CSMD3: variants seen among roughly 807,000 people sequenced by gnomAD.
CSMD3 encodes CUB and Sushi multiple domains 3, also known as CUB and sushi domain-containing protein 3.
A neutral mutation model predicts 435.2 loss-of-function variants in CSMD3; 177 were observed. The ratio of observed to expected loss-of-function variants is 0.41; its 90% CI spans 0.36 to 0.46. CSMD3 has a LOEUF of 0.46. CSMD3 is among the 20% of genes least tolerant of loss of function. The pLI, the probability that CSMD3 is intolerant of heterozygous loss-of-function variation, is 0.34. For synonymous variants in CSMD3, 1,656 were observed against 1,520.5 expected (o/e 1.09, Z -2.07); for missense variants, 4,265 against 4,504.6 (o/e 0.95, Z 1.52).
chr8:113,218,130 G>A (rs770050590), intron 3 of CSMD3, among the ~76,000 whole-genome samples: 123 of 148,924 alleles, frequency 8.3e-4, no homozygotes, highest in Non-Finnish European at 1.3e-3. Flanking sequence ...TTTAATATTG[G>A]GGACGATATA....
intron 1 of CSMD3, among the ~76,000 whole-genome samples, chr8:113,320,852 TAA>T (rs1287016512): frequency 6.6e-6 from 1 of 152,090 alleles, no homozygotes; most frequent in Non-Finnish European, 1.5e-5. Flanking sequence ...CTGGTGACCA[TAA>T]AAGAGGCATA....
At chr8:112,297,697 G>A (rs775785349) in intron 53 of CSMD3, among the ~76,000 whole-genome samples, 25 of 152,222 alleles carry the variant, frequency 1.6e-4, no homozygotes, top group East Asian at 5.8e-4. Context: ...TAATACGTAC[G>A]TAGAAAATTA....
chr8:113,247,439 A>G (rs1291827542), intron 3 of CSMD3, among the ~76,000 whole-genome samples: 2 of 152,164 alleles, frequency 1.3e-5, no homozygotes, highest in East Asian at 3.9e-4. Flanking sequence ...TTTCAAGGGT[A>G]CTATAGGTCC....
intron 1 of CSMD3, among the ~76,000 whole-genome samples, chr8:113,410,410 C>G (rs1208560875): frequency 6.6e-6 from 1 of 152,106 alleles, no homozygotes; most frequent in African/African-American, 2.4e-5. Flanking sequence ...ATCCAATAAT[C>G]TTTTCTAAGT....
intron 32 of CSMD3, among the ~76,000 whole-genome samples, chr8:112,449,115 T>C (rs1028603396): frequency 6.6e-6 from 1 of 152,120 alleles, no homozygotes; most frequent in Non-Finnish European, 1.5e-5. Context: ...TGGGTGAGAA[T>C]GGTTCTATAT....
At chr8:113,296,635 T>C (rs1315666212) in intron 2 of CSMD3, among the ~76,000 whole-genome samples, 1 of 152,156 alleles carries the variant, frequency 6.6e-6, no homozygotes, top group Admixed American at 6.5e-5. Context: ...GGGATTTTCA[T>C]GAGAAGAACA....
chr8:113,067,044 CTCCCTT>C (rs1220745260), intron 5 of CSMD3, among the ~76,000 whole-genome samples: 55 of 152,176 alleles, frequency 3.6e-4, no homozygotes, highest in African/African-American at 1.2e-3. Flanking sequence ...TTGATATTTG[CTCCCTT>C]TTGAAATGAC....
chr8:112,274,529 G>A (rs189369595), intron 59 of CSMD3, among the ~76,000 whole-genome samples: 1 of 152,146 alleles, frequency 6.6e-6, no homozygotes, highest in Non-Finnish European at 1.5e-5. Context: ...TCCTTAAACA[G>A]TCAGCAGATT....
chr8:112,921,375 A>G (rs2082738917), intron 10 of CSMD3, among the ~76,000 whole-genome samples: 1 of 151,982 alleles, frequency 6.6e-6, no homozygotes, highest in Non-Finnish European at 1.5e-5. Flanking sequence ...AATGCCGACA[A>G]TGTTTCCAGA....
At position 112,503,850 on chromosome 8, in the gene CSMD3, G is replaced by C. The variant is rs769780465; in HGVS notation, c.5023C>G (p.His1675Asp). ...GATCCATCACTCCGAAAAGCCAAAT[G>C]CATTGTATTTGAGCTGCTTTCTATT... ...ERIESSSNTM[H>D]LAFRSDGSVS... is the part of the protein sequence containing the mutation. The change falls in exon 30 of 71, where the codon CAT becomes GAT. Residue 1675 changes from histidine to aspartate, a missense_variant. By Grantham distance (81) the His-to-Asp change is moderately conservative. Coordinates refer to ENST00000297405, the MANE Select transcript of CSMD3 (RefSeq NM_198123.2). 1 of 1,612,636 alleles carries C rather than the reference G, an allele frequency of 6.2e-7. No homozygotes were observed. Among genetic ancestry groups the C allele is most frequent in the Non-Finnish European group, 8.5e-7 (1 of 1,179,094 alleles).
At chr8:112,779,005 AT>A (rs1038721278) in intron 13 of CSMD3, among the ~76,000 whole-genome samples, 17 of 151,768 alleles carry the variant, frequency 1.1e-4, no homozygotes, top group African/African-American at 3.9e-4. Context: ...TAATTTGCCC[AT>A]TTTTTTAAAT....
At chr8:112,327,038 G>GTAAA (rs1586778476) in intron 45 of CSMD3, among the ~76,000 whole-genome samples, 1 of 151,810 alleles carries the variant, frequency 6.6e-6, no homozygotes, top group Non-Finnish European at 1.5e-5. Flanking sequence ...AAATAAATAA[G>GTAAA]TAAATAAATA....
intron 4 of CSMD3, among the ~76,000 whole-genome samples, chr8:113,111,420 C>T (rs1443734918): frequency 6.6e-6 from 1 of 152,098 alleles, no homozygotes; most frequent in Non-Finnish European, 1.5e-5. Context: ...AGACTCCCTG[C>T]TGTGCAATAG....
chr8:113,062,357 G>A (rs2088652851), intron 5 of CSMD3, among the ~76,000 whole-genome samples: 1 of 151,796 alleles, frequency 6.6e-6, no homozygotes, highest in South Asian at 2.1e-4. Flanking sequence ...CAATATATGT[G>A]GTAGTCTGCT....
intron 25 of CSMD3, 76 bp downstream of exon 25, chr8:112,556,687 G>T (rs1040386902): frequency 1.3e-5 from 16 of 1,218,474 alleles, no homozygotes; most frequent in African/African-American, 3.0e-5. Context: ...AGGACAGAAA[G>T]AATTTCTTAA....
intron 10 of CSMD3, among the ~76,000 whole-genome samples, chr8:112,916,255 C>T (rs990021517): frequency 1.3e-5 from 2 of 151,790 alleles, no homozygotes; most frequent in African/African-American, 4.8e-5. Context: ...GTTGGAAGGG[C>T]ACCCTTGAAA....
At chr8:112,757,792 A>C (rs1464322270) in intron 13 of CSMD3, among the ~76,000 whole-genome samples, 1 of 152,074 alleles carries the variant, frequency 6.6e-6, no homozygotes, top group Non-Finnish European at 1.5e-5. Flanking sequence ...GGTGGCTCAC[A>C]CCTGTAATCC....
rs1416124406 is a variant in CSMD3 at position 112,337,546 on chromosome 8, C to T, written c.6838G>A (p.Glu2280Lys). ...TAGCTTCAAGTTAGAAGCATACCTT[C>T]ACACCTTGGAAGTGGATGATTCCAA... ...RNWNHPLPRCEALCGGNITAM... is the reference protein window; with the variant it reads ...RNWNHPLPRCKALCGGNITAM... The change falls in exon 43 of 71, where the codon GAA becomes AAA. Residue 2280 changes from glutamate to lysine, a missense_variant. Coordinates refer to ENST00000297405, the MANE Select transcript of CSMD3 (RefSeq NM_198123.2). 2 of 1,612,820 alleles carry T rather than the reference C, an allele frequency of 1.2e-6. No homozygotes were observed. Among genetic ancestry groups the T allele is most frequent in the East Asian group, 4.5e-5 (2 of 44,848 alleles).
At chr8:113,279,635 T>C (rs778446237) in intron 2 of CSMD3, among the ~76,000 whole-genome samples, 1 of 151,770 alleles carries the variant, frequency 6.6e-6, no homozygotes, top group Non-Finnish European at 1.5e-5. Flanking sequence ...GAGATTTGTT[T>C]TGTTTTTTTA....
Sources: gnomAD v4.1 joint callset for allele counts (sites outside exome capture counted in the v4.1 genomes callset) on GRCh38, gnomAD v4.1.1 for gene constraint, MANE v1.5 for transcripts, NCBI Gene and HGNC (gene_info 2026-07-23, HGNC 2026-07-21) for gene names.